Variants in RIGI observed in about 807,000 individuals in gnomAD.
The protein encoded by RIGI is RNA sensor RIG-I, also known as antiviral innate immune response receptor RIG-I.
chr9:32,499,647 G>C, the RIGI span, among the ~76,000 whole-genome samples: 1 of 151,950 alleles, frequency 6.6e-6, no homozygotes, highest in Non-Finnish European at 1.5e-5. Flanking sequence ...GTAAAGACAG[G>C]GTTTTGCCAA....
At chr9:32,482,149 C>T in the RIGI span, among the ~76,000 whole-genome samples, 1 of 151,834 alleles carries the variant, frequency 6.6e-6, no homozygotes, top group African/African-American at 2.4e-5. Flanking sequence ...TGCCTTGTTC[C>T]CTCCCTTGAG....
At chr9:32,483,111 T>C in the RIGI span, among the ~76,000 whole-genome samples, 1 of 152,076 alleles carries the variant, frequency 6.6e-6, no homozygotes, top group East Asian at 1.9e-4. Flanking sequence ...GAGGAGACTA[T>C]GGCTGTGTTC....
chr9:32,495,594 C>A, the RIGI span, among the ~76,000 whole-genome samples: 4 of 150,846 alleles, frequency 2.7e-5, no homozygotes, highest in Non-Finnish European at 4.4e-5. Context: ...TGTTGAATAT[C>A]TTTCCATATG....
chr9:32,473,679 A>G, the RIGI span, among the ~76,000 whole-genome samples: 1 of 152,230 alleles, frequency 6.6e-6, no homozygotes, highest in Non-Finnish European at 1.5e-5. Flanking sequence ...CAGGAGATCA[A>G]TATACATAAT....
At chr9:32,522,181 T>C in the RIGI span, among the ~76,000 whole-genome samples, 3 of 152,196 alleles carry the variant, frequency 2.0e-5, no homozygotes, top group African/African-American at 7.2e-5. Context: ...ACTGAAATAA[T>C]TTTTTATGGT....
chr9:32,475,653 A>C, the RIGI span, among the ~76,000 whole-genome samples: 2 of 152,198 alleles, frequency 1.3e-5, no homozygotes, highest in African/African-American at 4.8e-5. Context: ...CTCACGCCTT[A>C]TACAAAATTA....
At chr9:32,474,800 C>T in the RIGI span, among the ~76,000 whole-genome samples, 13 of 152,174 alleles carry the variant, frequency 8.5e-5, no homozygotes, top group African/African-American at 2.9e-4. Context: ...TTTGTTGTTT[C>T]CAGACACTCA....
chr9:32,488,081 G>A, the RIGI span: 172 of 1,613,980 alleles, frequency 1.1e-4, no homozygotes, highest in Non-Finnish European at 1.4e-4. Context: ...TGATGGAATC[G>A]TTCCCTTTTT....
the RIGI span, chr9:32,466,437 TCTGC>T: frequency 6.2e-7 from 1 of 1,603,700 alleles, no homozygotes; most frequent in Non-Finnish European, 8.5e-7. Flanking sequence ...TTGCTCTTCC[TCTGC>T]CTATTAGAAA....
At chr9:32,476,852 C>G in the RIGI span, 813 of 781,390 alleles carry the variant, frequency 1.0e-3, no homozygotes, top group Non-Finnish European at 9.8e-4. Flanking sequence ...GAACTCTTGG[C>G]CCCAAGCAAT....
the RIGI span, among the ~76,000 whole-genome samples, chr9:32,521,741 C>T: frequency 6.6e-6 from 1 of 151,898 alleles, no homozygotes; most frequent in African/African-American, 2.4e-5. Flanking sequence ...TATAGATGTG[C>T]TATTAATATG....
the RIGI span, among the ~76,000 whole-genome samples, chr9:32,468,951 A>G: frequency 6.6e-6 from 1 of 152,316 alleles, no homozygotes; most frequent in South Asian, 2.1e-4. Context: ...TTCGCAATCT[A>G]AACTGTCACT....
chr9:32,505,179 CTT>C, the RIGI span, among the ~76,000 whole-genome samples: 1 of 150,356 alleles, frequency 6.7e-6, no homozygotes, highest in Non-Finnish European at 1.5e-5. Flanking sequence ...TAGAGAAAAA[CTT>C]TATCAATCTA....
chr9:32,504,296 T>C, the RIGI span, among the ~76,000 whole-genome samples: 91,393 of 151,820 alleles, frequency 0.6, 27,914 homozygotes, highest in Middle Eastern at 0.68. Flanking sequence ...TTTCCACGGA[T>C]GGCAAAAAAA....
the RIGI span, among the ~76,000 whole-genome samples, chr9:32,515,940 C>T: frequency 6.6e-6 from 1 of 152,198 alleles, no homozygotes; most frequent in South Asian, 2.1e-4. Flanking sequence ...TAAATGAGTG[C>T]TTGCACAGGA....
the RIGI span, chr9:32,467,918 C>T: frequency 3.1e-6 from 5 of 1,592,688 alleles, no homozygotes; most frequent in South Asian, 4.5e-5. Context: ...CACTTCTGTG[C>T]CGGGAGGGTC....
chr9:32,473,463 T>G, the RIGI span, among the ~76,000 whole-genome samples: 6 of 152,008 alleles, frequency 3.9e-5, no homozygotes, highest in Non-Finnish European at 8.8e-5. Flanking sequence ...ATTTTTGTAT[T>G]TTTAGTAGAG....
At chr9:32,457,524 A>C in the RIGI span, 70 of 975,982 alleles carry the variant, frequency 7.2e-5, no homozygotes, top group Non-Finnish European at 9.7e-5. Flanking sequence ...TCTGAGGCAA[A>C]GAACAGGTGG....
At chr9:32,469,501 G>T in the RIGI span, among the ~76,000 whole-genome samples, 1 of 152,180 alleles carries the variant, frequency 6.6e-6, no homozygotes, top group Non-Finnish European at 1.5e-5. Context: ...AAGCAGATGT[G>T]CAGGATTCAG....
Sources: allele counts gnomAD v4.1 joint callset (sites outside exome capture counted in the v4.1 genomes callset), GRCh38; gene constraint gnomAD v4.1.1; transcripts MANE v1.5; gene names NCBI Gene and HGNC (gene_info 2026-07-23, HGNC 2026-07-21).